RGS7: variants seen among roughly 807,000 people sequenced by gnomAD.
RGS7 encodes regulator of G-protein signaling 7.
A neutral mutation model predicts 81.1 loss-of-function variants in RGS7; 27 were observed. The observed-to-expected ratio is 0.33, with a 90% CI of 0.25 to 0.46. The LOEUF is 0.46. Among genes scored for constraint, RGS7 ranks in the 20% least tolerant of loss-of-function variants. RGS7 has a pLI of 1.00. For synonymous variants in RGS7, 208 were observed against 207.7 expected, an observed-to-expected ratio of 1.00 and a Z score of -0.01; for missense variants, 396 against 607.4, an observed-to-expected ratio of 0.65 and a Z score of 3.66.
rs76938271 is a variant in RGS7, at chr1:240,943,266, G to A, written c.227-6560C>T. On this transcript the variant is annotated intron_variant, in intron 4 of 18. Coordinates refer to ENST00000440928, the MANE Select transcript of RGS7 (RefSeq NM_001364886.1). ...AGTCCCCTGCCTAGGTTCACATCCC[G>A]GGTCCCTCATTTGCTGGCTGTGTGA... 7.1e-3 allele frequency among the ~76,000 whole-genome samples: 1,077 copies of A among 152,252 alleles called. 13 individuals carry two copies. Among genetic ancestry groups the A allele is most frequent in the African/African-American group, 0.023 (959 of 41,560 alleles).
intron 2 of RGS7, among the ~76,000 whole-genome samples, chr1:241,276,630 C>T (rs183092949): frequency 1.2e-4 from 19 of 152,258 alleles, no homozygotes; most frequent in South Asian, 4.2e-4. Flanking sequence ...GCTTAGTCAA[C>T]GTCCAGACAA....
chr1:240,784,475 CA>C (rs879634314), intron 18 of RGS7, among the ~76,000 whole-genome samples: 26 of 143,090 alleles, frequency 1.8e-4, no homozygotes, highest in African/African-American at 3.6e-4. Flanking sequence ...CTCGTCTCTA[CA>C]AAAAAAAAAT....
chr1:240,930,363 G>A (rs1190425150), intron 6 of RGS7, among the ~76,000 whole-genome samples: 1 of 151,728 alleles, frequency 6.6e-6, no homozygotes, highest in Non-Finnish European at 1.5e-5. Flanking sequence ...AAAGCACACA[G>A]CTAAGTGGGA....
At chr1:240,782,468 G>A (rs1435666184) in intron 18 of RGS7, among the ~76,000 whole-genome samples, 3 of 152,076 alleles carry the variant, frequency 2.0e-5, no homozygotes, top group African/African-American at 7.2e-5. Context: ...TATCACCCAG[G>A]TCAGAGTGCA....
intron 2 of RGS7, among the ~76,000 whole-genome samples, chr1:241,210,356 G>A (rs2074175686): frequency 6.6e-6 from 1 of 152,106 alleles, no homozygotes; most frequent in Admixed American, 6.6e-5. Flanking sequence ...CACCAAGTTG[G>A]CCAGGCTGGT....
intron 4 of RGS7, among the ~76,000 whole-genome samples, chr1:240,972,253 T>C (rs1285825587): frequency 6.6e-6 from 1 of 151,682 alleles, no homozygotes; most frequent in African/African-American, 2.4e-5. Flanking sequence ...ACACGTATGT[T>C]TATTGCGGCA....
chr1:241,094,238 A>AACACACACACAC lies in RGS7; in HGVS notation c.175+4416_175+4427dup, dbSNP rs149481776. Among the ~76,000 whole-genome samples, 52 of 136,464 alleles carry AACACACACACAC rather than the reference A, an allele frequency of 3.8e-4. 1 individual carries two copies. The highest frequency in any genetic ancestry group is 1.3e-3 in the African/African-American group (50 of 38,162). 89.5% of individuals were successfully genotyped at this position (136,464 alleles called of 152,430 possible). ...ATTGCCTCAGTGCCAGACATACATA[A>AACACACACACAC]ACACACACACACACACACACACACA... On this transcript the variant is annotated intron_variant, in intron 3 of 18. Transcript: ENST00000440928.
intron 6 of RGS7, among the ~76,000 whole-genome samples, chr1:240,884,270 T>C (rs760891731): frequency 9.2e-5 from 14 of 152,114 alleles, no homozygotes; most frequent in Non-Finnish European, 1.9e-4. Flanking sequence ...TTAAATAAGA[T>C]GTCTTTAAAC....
At chr1:240,828,416 A>T (rs567190604) in intron 9 of RGS7, among the ~76,000 whole-genome samples, 3 of 152,334 alleles carry the variant, frequency 2.0e-5, no homozygotes, top group East Asian at 1.9e-4. Flanking sequence ...CACATCCTTT[A>T]GAAGTGATGA....
intron 2 of RGS7, among the ~76,000 whole-genome samples, chr1:241,175,449 G>A (rs2071061358): frequency 6.6e-6 from 1 of 152,070 alleles, no homozygotes; most frequent in Non-Finnish European, 1.5e-5. Flanking sequence ...TGGTCTCCCA[G>A]GACTCCACAC....
At chr1:240,895,107 T>A (rs67810065) in intron 6 of RGS7, among the ~76,000 whole-genome samples, 23 of 152,074 alleles carry the variant, frequency 1.5e-4, no homozygotes, top group African/African-American at 4.8e-4. Flanking sequence ...ACTCTCTCCC[T>A]CTTGCTCCTG....
intron 3 of RGS7, among the ~76,000 whole-genome samples, chr1:241,014,545 C>T (rs2059126344): frequency 6.6e-6 from 1 of 152,178 alleles, no homozygotes. Flanking sequence ...TCTCTCCAGT[C>T]ATTTCGACTG....
At chr1:241,225,660 C>T (rs2075274277) in intron 2 of RGS7, among the ~76,000 whole-genome samples, 1 of 152,146 alleles carries the variant, frequency 6.6e-6, no homozygotes, top group Non-Finnish European at 1.5e-5. Flanking sequence ...GATATTTCCA[C>T]CAAGCTTCTC....
At chr1:241,075,865 G>A (rs1260332914) in intron 3 of RGS7, among the ~76,000 whole-genome samples, 3 of 152,204 alleles carry the variant, frequency 2.0e-5, no homozygotes, top group South Asian at 2.1e-4. Context: ...GTACTGTGGA[G>A]TGAAAGTGAC....
intron 18 of RGS7, among the ~76,000 whole-genome samples, chr1:240,777,835 A>G (rs28689537): frequency 5.6e-4 from 73 of 131,112 alleles, no homozygotes; most frequent in Middle Eastern, 0.01. Context: ...CAAAGGCCCT[A>G]ACTCCTAATA....
At chr1:241,024,243 G>T (rs2059680143) in intron 3 of RGS7, among the ~76,000 whole-genome samples, 1 of 152,196 alleles carries the variant, frequency 6.6e-6, no homozygotes, top group South Asian at 2.1e-4. Flanking sequence ...TCACTTAACA[G>T]GTGCTCAAAA....
At chr1:241,308,767 C>T (rs959508342) in intron 2 of RGS7, among the ~76,000 whole-genome samples, 4 of 152,096 alleles carry the variant, frequency 2.6e-5, no homozygotes, top group Admixed American at 6.5e-5. Context: ...GCTTAATATA[C>T]ACAGAAAAGA....
At chr1:241,301,905 T>G (rs2079784003) in intron 2 of RGS7, among the ~76,000 whole-genome samples, 1 of 152,196 alleles carries the variant, frequency 6.6e-6, no homozygotes, top group Admixed American at 6.5e-5. Context: ...TAGTAGTTAG[T>G]GCAAATGATA....
chr1:240,968,793 T>G (rs1490583942), intron 4 of RGS7, among the ~76,000 whole-genome samples: 2 of 152,210 alleles, frequency 1.3e-5, no homozygotes, highest in African/African-American at 4.8e-5. Context: ...AGTGCCCTTA[T>G]CACACTTTTT....
Sources: gnomAD v4.1 joint callset for allele counts (sites outside exome capture counted in the v4.1 genomes callset) on GRCh38, gnomAD v4.1.1 for gene constraint, MANE v1.5 for transcripts, NCBI Gene and HGNC (gene_info 2026-07-23, HGNC 2026-07-21) for gene names.